PARP12: variants seen among roughly 807,000 people sequenced by gnomAD.
The protein encoded by PARP12 is poly(ADP-ribose) polymerase family member 12.
A neutral mutation model predicts 72.4 loss-of-function variants in PARP12; 59 were observed. The observed-to-expected ratio is 0.81, with a 90% confidence interval of 0.66 to 1.01. PARP12 has a LOEUF of 1.01. Ranked by LOEUF, PARP12 falls within the 50% of genes least tolerant of loss-of-function variation. The pLI is 0.00. For synonymous variants in PARP12, 403 were observed against 371.4 expected, an observed-to-expected ratio of 1.09 and a Z score of -0.98; for missense variants, 851 against 914.0, an observed-to-expected ratio of 0.93 and a Z score of 0.89.
At position 140,041,733 on chromosome 7, in the gene PARP12, C is replaced by T. The variant is rs746821920; in HGVS notation, c.1093G>A (p.Val365Ile). 6.2e-7 allele frequency: 1 copy of T among 1,614,130 alleles called. No homozygotes were observed. The highest frequency in any genetic ancestry group is 1.3e-5 in the African/African-American group (1 of 74,996). The change falls in exon 6 of 12, where the codon GTC (valine) becomes ATC (isoleucine). Residue 365 changes from valine (V) to isoleucine (I), a missense_variant. Physicochemically the swap from Val to Ile is conservative, Grantham distance 29. Around this residue, in one of 3 missense-constraint regions of PARP12, gnomAD observed 492 missense variants for 489.3 expected, o/e 1.01. Transcript: ENST00000263549. ...QARRLSTASS[V>I]TKPPHFILTT... Reference sequence around the variant, plus strand: ...AGGATGAAGTGTGGAGGTTTGGTGACAGAGGAGGCCGTGGAGAGGCGGCGA... The same window carrying T: ...AGGATGAAGTGTGGAGGTTTGGTGATAGAGGAGGCCGTGGAGAGGCGGCGA...
rs1314724255 is a variant in PARP12, at chr7:140,054,136, G to A, written c.862+526C>T. Among the ~76,000 whole-genome samples, 3 of 152,282 alleles carry A rather than the reference G, an allele frequency of 2.0e-5. No homozygotes were observed. The East Asian group carries it at 5.8e-4, about 29-fold the overall frequency. On this transcript the variant is annotated intron_variant, in intron 4 of 11. Transcript: ENST00000263549. ...AAAACAAAGGTTTAGTGAAAATACA[G>A]ACAGGCACATGCACACCAGAATTGC... is the stretch of plus-strand genomic sequence containing the variant.
At position 140,030,827 on chromosome 7, in the gene PARP12, G is replaced by C. The variant is rs189427410; in HGVS notation, c.1422-2139C>G. 4.5e-3 allele frequency among the ~76,000 whole-genome samples: 678 copies of C among 152,316 alleles called. 4 individuals are homozygous for C. The highest frequency in any genetic ancestry group is 7.4e-3 in the Non-Finnish European group (506 of 68,030). ...TATTCTTTTAGTTCAGCTATCGTTA[G>C]TGTTAGTGTATTTTATGTGTGGACC... On this transcript the variant is annotated intron_variant, in intron 8 of 11. Transcript: ENST00000263549.
Position 140,024,479 on chromosome 7 carries a change from T to G in PARP12, c.*81A>C. On this transcript the variant is annotated 3_prime_UTR_variant, in exon 12 of 12. Transcript: ENST00000263549. Reference sequence around the variant, plus strand: ...GTTAAGAGAACAGTTCATTAAAAGTTTCTGTTTAAAAAGAAAAGGAAAGGC... The same window carrying G: ...GTTAAGAGAACAGTTCATTAAAAGTGTCTGTTTAAAAAGAAAAGGAAAGGC... 7.3e-7 allele frequency: 1 copy of G among 1,373,338 alleles called. No homozygotes were observed. Among genetic ancestry groups the G allele is most frequent in the Non-Finnish European group, 1.0e-6 (1 of 977,352 alleles). The allele number at this position is 1,373,338 out of a possible 1,614,324, so 85.1% of individuals were successfully genotyped here. A position where few individuals can be genotyped will look rare whatever the true frequency, so the allele number is the denominator to read the frequency against.
chr7:140,033,336 T>C (rs1816020249), intron 8 of PARP12: 1 of 985,410 alleles, frequency 1.0e-6, no homozygotes, highest in Non-Finnish European at 1.2e-6. Context: ...AAAACGACCT[T>C]TGCATGCTTC....
At chr7:140,042,938 G>A (rs780530377) in intron 5 of PARP12, among the ~76,000 whole-genome samples, 2 of 152,234 alleles carry the variant, frequency 1.3e-5, no homozygotes, top group East Asian at 1.9e-4. Flanking sequence ...GCTCACGCCT[G>A]TAATCCCAGC....
At chr7:140,029,978 C>T (rs1037837016) in intron 8 of PARP12, among the ~76,000 whole-genome samples, 2 of 152,104 alleles carry the variant, frequency 1.3e-5, no homozygotes, top group African/African-American at 4.8e-5. Context: ...ACAGTGGAGG[C>T]GATTTTCAAA....
chr7:140,054,808 TATAAAAGAGA>T, intron 3 of PARP12, 45 bp from the exon 4 acceptor site: 1 of 1,480,518 alleles, frequency 6.8e-7, no homozygotes. Context: ...TGATATGGGG[TATAAAAGAGA>T]GTTAAAGAGG....
chr7:140,037,585 T>C, intron 7 of PARP12, 130 bp downstream of exon 7: 3 of 1,305,522 alleles, frequency 2.3e-6, no homozygotes, highest in South Asian at 2.8e-5. Context: ...ACCTTGGACC[T>C]GGTACCTTGC....
At chr7:140,037,660 A>G in intron 7 of PARP12, 55 bp downstream of exon 7, 1 of 1,600,496 alleles carries the variant, frequency 6.2e-7, no homozygotes, top group South Asian at 1.1e-5. Context: ...GTTAAGGTGT[A>G]GGGACAGAGC....
chr7:140,044,185 G>GA (rs761852545), intron 5 of PARP12, among the ~76,000 whole-genome samples: 3 of 151,992 alleles, frequency 2.0e-5, no homozygotes, highest in African/African-American at 7.3e-5. Flanking sequence ...CAGCCAGAGA[G>GA]AAAAAAACAG....
intron 11 of PARP12, 107 bp downstream of exon 11, chr7:140,026,072 CACCACACATGGAGTCTGA>C (rs1815726969): frequency 7.2e-7 from 1 of 1,390,478 alleles, no homozygotes; most frequent in Non-Finnish European, 1.0e-6. Flanking sequence ...GCCCAGGTAC[CACCACACATGGAGTCTGA>C]ACCTGCTCAT....
At chr7:140,027,127 G>T in intron 10 of PARP12, 149 bp downstream of exon 10, 1 of 1,111,482 alleles carries the variant, frequency 9.0e-7, no homozygotes, top group Non-Finnish European at 1.3e-6. Context: ...CTGGGGGAGC[G>T]GACGAAGGAG....
chr7:140,045,760 G>C (rs1816690691), intron 5 of PARP12, among the ~76,000 whole-genome samples: 1 of 152,250 alleles, frequency 6.6e-6, no homozygotes, highest in Admixed American at 6.5e-5. Flanking sequence ...GTGGGTCACA[G>C]TGACAATTAT....
chr7:140,058,135 G>A, intron 1 of PARP12, 101 bp from the exon 2 acceptor site: 1 of 1,338,086 alleles, frequency 7.5e-7, no homozygotes. Flanking sequence ...GGCTCTATTT[G>A]GAAAGAAGGT....
chr7:140,035,459 C>G (rs562133450), intron 7 of PARP12, among the ~76,000 whole-genome samples: 30 of 152,328 alleles, frequency 2.0e-4, no homozygotes, highest in African/African-American at 5.3e-4. Flanking sequence ...TCTATGGACA[C>G]AGTAAAGTGA....
chr7:140,044,143 C>T (rs992412990), intron 5 of PARP12, among the ~76,000 whole-genome samples: 8 of 152,052 alleles, frequency 5.3e-5, no homozygotes, highest in Non-Finnish European at 8.8e-5. Flanking sequence ...AGTGAAACTG[C>T]ACAGCACCAA....
chr7:140,058,488 A>G (rs1252270985), intron 1 of PARP12, among the ~76,000 whole-genome samples: 2 of 151,114 alleles, frequency 1.3e-5, no homozygotes, highest in Non-Finnish European at 3.0e-5. Flanking sequence ...CAACAGAGTG[A>G]GACTCAGTCT....
At chr7:140,049,366 G>A (rs1410912201) in intron 4 of PARP12, among the ~76,000 whole-genome samples, 3 of 152,208 alleles carry the variant, frequency 2.0e-5, no homozygotes, top group African/African-American at 7.2e-5. Context: ...TCTCAAGCAG[G>A]TGTGTACACA....
chr7:140,061,872 T>A (rs887842285), intron 1 of PARP12, among the ~76,000 whole-genome samples: 5 of 141,040 alleles, frequency 3.5e-5, no homozygotes, highest in African/African-American at 1.2e-4. Context: ...AAATGGGATG[T>A]GATCTTTAGG....
Sources: gnomAD v4.1 joint callset for allele counts (sites outside exome capture counted in the v4.1 genomes callset) on GRCh38, gnomAD v4.1.1 for gene constraint, gnomAD v4.1.1 regional missense constraint, MANE v1.5 for transcripts, NCBI Gene and HGNC (gene_info 2026-07-23, HGNC 2026-07-21) for gene names.